DYM: variants seen among roughly 807,000 people sequenced by gnomAD.
DYM encodes the protein dyggve-Melchior-Clausen syndrome protein.
In DYM, 78 loss-of-function variants were observed where a neutral mutation model predicts 93.1. The ratio of observed to expected loss-of-function variants is 0.84; its 90% CI spans 0.70 to 1.01. The LOEUF (loss-of-function observed/expected upper bound fraction) is 1.01, where lower values mean the gene tolerates loss of function less well. DYM is among the 50% of genes least tolerant of loss of function. The probability of loss-of-function intolerance (pLI) is 0.00; values close to 1 mark genes in which losing one functional copy is unlikely to be tolerated. For missense variants in DYM, 789 were observed against 845.0 expected (o/e 0.93, Z 0.82); for synonymous variants, 321 against 319.7 (o/e 1.00, Z -0.04).
intron 8 of DYM, among the ~76,000 whole-genome samples, chr18:49,315,874 G>A (rs2061899794): frequency 6.6e-6 from 1 of 152,050 alleles, no homozygotes; most frequent in African/African-American, 2.4e-5. Flanking sequence ...GAGAAAACCA[G>A]TCTATTGAAG....
At chr18:49,427,359 T>G (rs1382488380) in intron 2 of DYM, among the ~76,000 whole-genome samples, 1 of 152,224 alleles carries the variant, frequency 6.6e-6, no homozygotes, top group Middle Eastern at 3.4e-3. Context: ...GAAAAAATAG[T>G]GGCAAGGGTG....
intron 2 of DYM, among the ~76,000 whole-genome samples, chr18:49,401,842 G>A (rs1261551413): frequency 2.0e-5 from 3 of 151,784 alleles, no homozygotes; most frequent in Non-Finnish European, 2.9e-5. Flanking sequence ...CCTGGCCAAC[G>A]TGGCAAAACC....
At chr18:49,347,457 C>T (rs941810101) in intron 6 of DYM, among the ~76,000 whole-genome samples, 16 of 151,926 alleles carry the variant, frequency 1.1e-4, no homozygotes, top group African/African-American at 3.4e-4. Flanking sequence ...AAGAAAAAAA[C>T]GAAGTTACCC....
chr18:49,242,980 G>C (rs1182349248), intron 13 of DYM, among the ~76,000 whole-genome samples: 2 of 152,152 alleles, frequency 1.3e-5, no homozygotes, highest in South Asian at 2.1e-4. Flanking sequence ...GATTACAGGC[G>C]TGAGCCACCG....
chr18:49,359,898 G>A (rs763141351), intron 6 of DYM: 4 of 152,172 alleles, frequency 2.6e-5, no homozygotes, highest in Non-Finnish European at 5.9e-5. Context: ...CTGCACTACA[G>A]TTAGAGGAAA....
chr18:49,194,559 T>G (rs75235160), intron 14 of DYM, among the ~76,000 whole-genome samples: 1 of 152,220 alleles, frequency 6.6e-6, no homozygotes, highest in Admixed American at 6.5e-5. Context: ...AGTTAGTTAA[T>G]AAGTATTTTT....
intron 8 of DYM, among the ~76,000 whole-genome samples, chr18:49,331,326 G>T (rs954311200): frequency 1.3e-5 from 2 of 152,216 alleles, no homozygotes; most frequent in Admixed American, 6.5e-5. Flanking sequence ...TTATTGTAAG[G>T]TAGGGAAGAG....
At chr18:49,422,716 C>T (rs963138495) in intron 2 of DYM, among the ~76,000 whole-genome samples, 17 of 151,714 alleles carry the variant, frequency 1.1e-4, no homozygotes, top group African/African-American at 3.4e-4. Context: ...AACAAGCAAA[C>T]GGAAAACAAA....
intron 15 of DYM, among the ~76,000 whole-genome samples, chr18:49,153,040 C>T (rs2085994730): frequency 6.6e-6 from 1 of 152,064 alleles, no homozygotes; most frequent in Non-Finnish European, 1.5e-5. Context: ...CAGTGTATAG[C>T]ATGGTGACTG....
chr18:49,341,591 T>A (rs927762499), intron 6 of DYM, among the ~76,000 whole-genome samples: 12 of 151,886 alleles, frequency 7.9e-5, no homozygotes, highest in South Asian at 4.2e-4. Flanking sequence ...GATGGGGTAT[T>A]CATGAAAGAA....
chr18:49,144,600 C>T (rs2084881424), intron 15 of DYM, among the ~76,000 whole-genome samples: 1 of 152,088 alleles, frequency 6.6e-6, no homozygotes, highest in Non-Finnish European at 1.5e-5. Flanking sequence ...CTGGTTGTTA[C>T]AGATGCTCAA....
Position 49,044,071 on chromosome 18 carries a change from G to T in DYM, c.2159C>A (p.Thr720Asn). 6.2e-7 allele frequency: 1 copy of T among 1,613,696 alleles called. No homozygotes were observed. The highest frequency in any genetic ancestry group is 8.5e-7 in the Non-Finnish European group (1 of 1,180,038). The change falls in exon 18 of 18, where the codon ACC becomes AAC. Residue 720 changes from threonine to asparagine, a missense_variant. Thr to Asn is a moderately conservative substitution (Grantham distance 65). This residue lies in a region of DYM where 114 missense variants were observed against 105.8 expected (regional missense o/e 1.08). Coordinates refer to ENST00000675505, the MANE Select transcript of DYM (RefSeq NM_001353214.3). ...YWNPQDIQLF[T>N]MDSD ...ATCCTGCCCTCAGTCGGAATCCATG[G>T]TGAACAGCTGGATGTCCTGTGGATT... is the stretch of plus-strand genomic sequence containing the variant.
chr18:49,419,684 A>T (rs2073413951), intron 2 of DYM, among the ~76,000 whole-genome samples: 1 of 152,210 alleles, frequency 6.6e-6, no homozygotes, highest in Admixed American at 6.5e-5. Flanking sequence ...GGCTTTCAGA[A>T]TTTTAATTCA....
intron 1 of DYM, among the ~76,000 whole-genome samples, chr18:49,454,134 C>T (rs144215629): frequency 2.0e-5 from 3 of 152,262 alleles, no homozygotes; most frequent in Non-Finnish European, 2.9e-5. Flanking sequence ...CTGATCCCCA[C>T]ATGATGCCCC....
chr18:49,344,845 G>C (rs1340702353), intron 6 of DYM, among the ~76,000 whole-genome samples: 1 of 152,106 alleles, frequency 6.6e-6, no homozygotes, highest in East Asian at 1.9e-4. Flanking sequence ...CATTCATTGG[G>C]TATCTACTAT....
intron 5 of DYM, 56 bp from the exon 6 acceptor site, chr18:49,363,289 TG>T: frequency 8.2e-7 from 1 of 1,221,376 alleles, no homozygotes; most frequent in South Asian, 1.2e-5. Context: ...AGAATACAGT[TG>T]TTCAGAAGTT....
At chr18:49,315,662 C>G (rs1336887009) in intron 8 of DYM, among the ~76,000 whole-genome samples, 1 of 152,138 alleles carries the variant, frequency 6.6e-6, no homozygotes, top group Non-Finnish European at 1.5e-5. Context: ...ATAATTAGCA[C>G]AATTATTTTC....
chr18:49,304,833 C>T (rs1377606685), intron 8 of DYM, among the ~76,000 whole-genome samples: 7 of 152,136 alleles, frequency 4.6e-5, no homozygotes, highest in Admixed American at 1.3e-4. Context: ...TAAATTTCTA[C>T]GTCCCTGCAG....
intron 15 of DYM, among the ~76,000 whole-genome samples, chr18:49,125,299 A>G (rs1211167727): frequency 6.6e-6 from 1 of 152,176 alleles, no homozygotes; most frequent in Non-Finnish European, 1.5e-5. Flanking sequence ...ATTTCAATAT[A>G]AAGAATCCCT....
Sources: gnomAD v4.1 joint callset for allele counts (sites outside exome capture counted in the v4.1 genomes callset) on GRCh38, gnomAD v4.1.1 for gene constraint, gnomAD v4.1.1 regional missense constraint, MANE v1.5 for transcripts, NCBI Gene and HGNC (gene_info 2026-07-23, HGNC 2026-07-21) for gene names.